Variants in RASAL2 observed in about 807,000 individuals in gnomAD.
The protein encoded by RASAL2 is ras GTPase-activating protein nGAP.
RASAL2 carries 58 observed loss-of-function variants against 128.9 expected under a neutral mutation model. The ratio of observed to expected loss-of-function variants is 0.45; its 90% confidence interval spans 0.36 to 0.56. RASAL2 has a LOEUF of 0.56. Ranked by LOEUF, RASAL2 falls within the 20% of genes least tolerant of loss-of-function variation. The pLI is 0.00. For synonymous variants in RASAL2, 561 were observed against 580.8 expected (o/e 0.97, Z 0.49); for missense variants, 1,360 against 1,601.6 (o/e 0.85, Z 2.57).
intron 1 of RASAL2, among the ~76,000 whole-genome samples, chr1:178,095,451 A>G (rs1461382849): frequency 6.6e-6 from 1 of 152,242 alleles, no homozygotes; most frequent in Non-Finnish European, 1.5e-5. Flanking sequence ...ATAGCCTGGC[A>G]TTCAGGACTG....
chr1:178,214,713 C>A (rs754531937), intron 1 of RASAL2, among the ~76,000 whole-genome samples: 10 of 152,110 alleles, frequency 6.6e-5, no homozygotes, highest in Non-Finnish European at 1.0e-4. Flanking sequence ...TGCCTGCCAC[C>A]ACGCTCGGCT....
chr1:178,377,026 C>T (rs945863157), intron 3 of RASAL2, among the ~76,000 whole-genome samples: 4 of 151,976 alleles, frequency 2.6e-5, no homozygotes, highest in East Asian at 1.9e-4. Flanking sequence ...AAATACTCAG[C>T]GTATACTTTT....
chr1:178,410,236 A>T (rs1674274829), intron 4 of RASAL2, among the ~76,000 whole-genome samples: 1 of 152,150 alleles, frequency 6.6e-6, no homozygotes. Context: ...AGAGAAAAAA[A>T]TATTACTGTT....
At chr1:178,172,457 T>A (rs1661735702) in intron 1 of RASAL2, among the ~76,000 whole-genome samples, 1 of 152,078 alleles carries the variant, frequency 6.6e-6, no homozygotes, top group Non-Finnish European at 1.5e-5. Context: ...TTCATTTAAA[T>A]CTAATATTGT....
chr1:178,243,595 TTG>T (rs1467236257), intron 1 of RASAL2, among the ~76,000 whole-genome samples: 1 of 141,982 alleles, frequency 7.0e-6, no homozygotes, highest in Non-Finnish European at 1.5e-5. Context: ...GGCTTGCTTG[TTG>T]TTATCAAAAA....
In RASAL2 at chr1:178,289,755, T is replaced by G. The variant is rs535805779; in HGVS notation, c.330+6064T>G. The stretch of plus-strand genomic sequence containing the variant: ...ACCATAGGTAAGTTATCTCCATTAA[T>G]GACAACTCCATCCTTCCAAGTTTCA... On this transcript the variant is annotated intron_variant, in intron 2 of 17. Transcript: ENST00000367649. 2.0e-5 allele frequency among the ~76,000 whole-genome samples: 3 copies of G among 152,312 alleles called. No homozygotes were observed. In the South Asian group the frequency reaches 6.2e-4, roughly 32 times the overall value.
chr1:178,236,007 T>C (rs777535770), intron 1 of RASAL2, among the ~76,000 whole-genome samples: 12 of 152,150 alleles, frequency 7.9e-5, no homozygotes, highest in Non-Finnish European at 1.5e-4. Context: ...GAAATAATTT[T>C]CCAAAAAAGA....
chr1:178,403,073 GT>G (rs779215670), intron 4 of RASAL2, among the ~76,000 whole-genome samples: 11 of 152,030 alleles, frequency 7.2e-5, no homozygotes, highest in Non-Finnish European at 1.3e-4. Context: ...GTCTCTGTTA[GT>G]CATAAGAAAA....
chr1:178,462,657 G>A (rs531781238), intron 14 of RASAL2, among the ~76,000 whole-genome samples: 2 of 152,138 alleles, frequency 1.3e-5, no homozygotes, highest in South Asian at 2.1e-4. Context: ...AGTTAGGATT[G>A]ATCTATTTTG....
Position 178,164,512 on chromosome 1 carries a change from T to C in RASAL2, c.202+69818T>C, listed in dbSNP as rs571924569. Among the ~76,000 whole-genome samples, 323 of 150,490 alleles carry C rather than the reference T, an allele frequency of 2.1e-3. 1 individual carries two copies. The highest frequency in any genetic ancestry group is 9.9e-3 in the South Asian group (47 of 4,748). Reference sequence around the variant, plus strand: ...GTGTGTGTGTGTGTGTGTGCGTGTGTGTGTGTGTGTGTTTTAAACTGTATT... The same window carrying C: ...GTGTGTGTGTGTGTGTGTGCGTGTGCGTGTGTGTGTGTTTTAAACTGTATT... On this transcript the variant is annotated intron_variant, in intron 1 of 17. Transcript: ENST00000367649.
At position 178,141,193 on chromosome 1, in the gene RASAL2, C is replaced by CTTTTTTTTTTTTTTTTTTT. The variant is rs71297900; in HGVS notation, c.202+46506_202+46524dup. On this transcript the variant is annotated intron_variant, in intron 1 of 17. Transcript: ENST00000367649. ...CTGGAGACCACTTTTCTTTTCTTTT[C>CTTTTTTTTTTTTTTTTTTT]TTTTTTTTTTTTTTTTTTTTTTTTT... Among the ~76,000 whole-genome samples the CTTTTTTTTTTTTTTTTTTT allele has an allele frequency of 2.2e-4, 16 of 73,934 alleles. 1 individual carries two copies. Among genetic ancestry groups the CTTTTTTTTTTTTTTTTTTT allele is most frequent in the South Asian group, 6.8e-4 (1 of 1,480 alleles). The allele number at this position is 73,934 out of a possible 152,430, so 48.5% of individuals were successfully genotyped here.
intron 1 of RASAL2, among the ~76,000 whole-genome samples, chr1:178,202,280 G>A (rs968008304): frequency 3.9e-5 from 6 of 152,280 alleles, no homozygotes; most frequent in South Asian, 2.1e-4. Context: ...TGGCTCAAAC[G>A]CCCATGGTTT....
At chr1:178,310,754 G>A (rs568755146) in intron 3 of RASAL2, among the ~76,000 whole-genome samples, 1 of 152,208 alleles carries the variant, frequency 6.6e-6, no homozygotes, top group South Asian at 2.1e-4. Flanking sequence ...TGCCACTTAT[G>A]GTTGCTCAAA....
At chr1:178,265,876 G>T (rs1033513956) in intron 1 of RASAL2, among the ~76,000 whole-genome samples, 1 of 152,104 alleles carries the variant, frequency 6.6e-6, no homozygotes, top group East Asian at 1.9e-4. Context: ...CACATCTTTT[G>T]TATCTTTTTT....
chr1:178,445,482 A>G, intron 8 of RASAL2, 36 bp from the exon 9 acceptor site: 2 of 1,600,934 alleles, frequency 1.2e-6, no homozygotes, highest in Non-Finnish European at 1.7e-6. Flanking sequence ...TTATTTATTC[A>G]GTTGCTTTCT....
At chr1:178,344,114 C>T (rs1041497330) in intron 3 of RASAL2, among the ~76,000 whole-genome samples, 1 of 152,032 alleles carries the variant, frequency 6.6e-6, no homozygotes, top group Non-Finnish European at 1.5e-5. Context: ...TCATGATTTT[C>T]TCCTTGATAC....
rs182377682 is a variant in RASAL2, at chr1:178,468,066, A to G, written c.3678+645A>G. 8.5e-5 allele frequency among the ~76,000 whole-genome samples: 13 copies of G among 152,362 alleles called. No individual in the cohort carries two copies. In the East Asian group the frequency reaches 1.7e-3, roughly 20 times the overall value. ...ACTGTAGCTCACACCTGTGACACCA[A>G]TGACATAAAGGCTGCCAAGAGCACC... On this transcript the variant is annotated intron_variant, in intron 17 of 17. Transcript: ENST00000367649.
rs150999901 is a variant in RASAL2 at position 178,293,243 on chromosome 1, A to G, written c.331-6749A>G. On this transcript the variant is annotated intron_variant, in intron 2 of 17. Coordinates refer to ENST00000367649, the MANE Select transcript of RASAL2 (RefSeq NM_170692.4). ...GTGACATTTGATAAATAACACAAGT[A>G]AATGGATAGAATAAGAGAGAGAAAT... Among the ~76,000 whole-genome samples, 265 of 152,370 alleles carry G rather than the reference A, an allele frequency of 1.7e-3. 1 individual carries two copies. The highest frequency in any genetic ancestry group is 3.4e-3 in the Middle Eastern group (1 of 294).
rs562051246 is a variant in RASAL2, at chr1:178,268,338, A to G, written c.203-15226A>G. On this transcript the variant is annotated intron_variant, in intron 1 of 17. Coordinates refer to ENST00000367649, the MANE Select transcript of RASAL2 (RefSeq NM_170692.4). The stretch of plus-strand genomic sequence containing the variant: ...CAAAAATTAGTTGGGCATGGTGGTG[A>G]GCACCTGTAGTCCCAGCTACTTGGG... Among the ~76,000 whole-genome samples the G allele has an allele frequency of 2.0e-5, 3 of 151,988 alleles. No homozygotes were observed. The East Asian group carries it at 5.8e-4, about 29-fold the overall frequency.
Sources: allele counts gnomAD v4.1 joint callset (sites outside exome capture counted in the v4.1 genomes callset), GRCh38; gene constraint gnomAD v4.1.1; transcripts MANE v1.5; gene names NCBI Gene and HGNC (gene_info 2026-07-23, HGNC 2026-07-21).